Variants in TBC1D30 observed in about 807,000 individuals in gnomAD.
TBC1D30 encodes TBC1 domain family member 30, also known as TBC1 domain family, member 30.
Under a neutral mutation model 63.2 loss-of-function variants are expected in TBC1D30, and 31 were observed. The ratio of observed to expected loss-of-function variants is 0.49; its 90% CI spans 0.37 to 0.66. TBC1D30 has a LOEUF of 0.66. Among genes scored for constraint, TBC1D30 ranks in the 30% least tolerant of loss-of-function variants. The pLI is 0.00. For synonymous variants in TBC1D30, 307 were observed against 361.5 expected, an observed-to-expected ratio of 0.85 and a Z score of 1.71; for missense variants, 810 against 953.6, an observed-to-expected ratio of 0.85 and a Z score of 1.98.
intron 1 of TBC1D30, among the ~76,000 whole-genome samples, chr12:64,771,121 A>G (rs1383690998): frequency 6.6e-6 from 1 of 152,038 alleles, no homozygotes; most frequent in African/African-American, 2.4e-5. Flanking sequence ...CAACATATCC[A>G]TGAAGCCCAT....
chr12:64,781,035 G>C, exon 1 of TBC1D30: 1 of 1,025,596 alleles, frequency 9.8e-7, no homozygotes, highest in East Asian at 1.1e-4. Context: ...GGCCGCACAA[G>C]CCGCACGGCG....
chr12:64,834,683 A>ACAGG (rs1253556381), intron 5 of TBC1D30, among the ~76,000 whole-genome samples: 1 of 147,242 alleles, frequency 6.8e-6, no homozygotes, highest in African/African-American at 2.5e-5. Context: ...TGCTGGGATT[A>ACAGG]CAGGCATGAG....
Position 64,878,319 on chromosome 12 carries a change from A to C in TBC1D30, c.*2531A>C, listed in dbSNP as rs1879230792. Reference sequence around the variant, plus strand: ...CCTCTACCACACAGCATGTACAAAGACCAGTATGGACTTGCTATCTTCCCT... The same window carrying C: ...CCTCTACCACACAGCATGTACAAAGCCCAGTATGGACTTGCTATCTTCCCT... On this transcript the variant is annotated 3_prime_UTR_variant, in exon 12 of 12. Coordinates refer to ENST00000539867, the MANE Select transcript of TBC1D30 (RefSeq NM_015279.2). 6 of 391,542 alleles carry C rather than the reference A, an allele frequency of 1.5e-5. No homozygotes were observed. Among genetic ancestry groups the C allele is most frequent in the Admixed American group, 1.2e-4 (4 of 33,192 alleles). The allele number at this position is 391,542 out of a possible 1,614,324, so 24.3% of individuals were successfully genotyped here. A position where few individuals can be genotyped will look rare whatever the true frequency, so the allele number is the denominator to read the frequency against.
intron 2 of TBC1D30, among the ~76,000 whole-genome samples, chr12:64,796,272 T>A (rs1872264343): frequency 6.6e-6 from 1 of 151,982 alleles, no homozygotes; most frequent in Non-Finnish European, 1.5e-5. Flanking sequence ...TTTTAAAAAA[T>A]GATCTCCATT....
intron 2 of TBC1D30, chr12:64,787,470 T>G (rs1871661037): frequency 3.1e-6 from 2 of 635,658 alleles, no homozygotes; most frequent in Admixed American, 1.3e-4. Context: ...TTGTTGCTCT[T>G]TCACTCTGTC....
chr12:64,792,987 G>T (rs1234527379), intron 2 of TBC1D30, among the ~76,000 whole-genome samples: 2 of 152,072 alleles, frequency 1.3e-5, no homozygotes, highest in Admixed American at 1.3e-4. Flanking sequence ...CAGAAGTATT[G>T]TGCTTTGGCC....
intron 9 of TBC1D30, among the ~76,000 whole-genome samples, chr12:64,865,164 C>T (rs1480569104): frequency 2.0e-5 from 3 of 149,620 alleles, no homozygotes; most frequent in African/African-American, 7.4e-5. Flanking sequence ...CATATTGAAT[C>T]AATGGTGAAA....
chr12:64,870,538 A>C (rs1180068026), intron 10 of TBC1D30, 64 bp from the exon 11 acceptor site: 1 of 1,341,836 alleles, frequency 7.5e-7, no homozygotes, highest in East Asian at 2.5e-5. Context: ...TAGTGTTATC[A>C]ATTTCCATTT....
At chr12:64,793,848 C>T (rs561595727) in intron 2 of TBC1D30, among the ~76,000 whole-genome samples, 1 of 152,348 alleles carries the variant, frequency 6.6e-6, no homozygotes, top group South Asian at 2.1e-4. Context: ...CATCTGCATG[C>T]ACTGCCATCC....
chr12:64,864,516 G>A (rs575916692), intron 8 of TBC1D30, among the ~76,000 whole-genome samples, 152 bp from the exon 9 acceptor site: 10 of 152,284 alleles, frequency 6.6e-5, no homozygotes, highest in Admixed American at 1.3e-4. Context: ...TCTTGAAAGC[G>A]GATGTTGAAG....
At chr12:64,857,610 G>A (rs574827874) in intron 8 of TBC1D30, among the ~76,000 whole-genome samples, 17 of 152,272 alleles carry the variant, frequency 1.1e-4, no homozygotes, top group Admixed American at 3.9e-4. Flanking sequence ...GTCTCCCTAG[G>A]TCATGTGCCA....
Position 64,836,635 on chromosome 12 carries a change from G to T in TBC1D30, c.740G>T (p.Arg247Ile). The stretch of plus-strand genomic sequence containing the variant: ...TCTCAGCACCTGGATACTCTTCAGA[G>T]AACTGCAAACAAAGAAAGTGGAGGT... ...ELSQHLDTLQ[R>I]TANKESGGGY... Residue 247 changes from arginine (R) to isoleucine (I), a missense_variant, in exon 6 of 12, where the codon AGA (arginine) becomes ATA (isoleucine). By Grantham distance (97) the Arg-to-Ile change is moderately conservative. Coordinates refer to ENST00000539867, the MANE Select transcript of TBC1D30 (RefSeq NM_015279.2). 6.5e-7 allele frequency: 1 copy of T among 1,535,088 alleles called. No individual in the cohort carries two copies.
intron 2 of TBC1D30, among the ~76,000 whole-genome samples, chr12:64,790,795 C>G (rs756340232): frequency 2.6e-5 from 4 of 152,116 alleles, no homozygotes; most frequent in Non-Finnish European, 5.9e-5. Flanking sequence ...TTCATTAATA[C>G]CTTGTCCTCT....
chr12:64,865,075 G>A (rs1271618599), intron 9 of TBC1D30, among the ~76,000 whole-genome samples: 1 of 151,694 alleles, frequency 6.6e-6, no homozygotes, highest in East Asian at 1.9e-4. Flanking sequence ...CTGTATACAA[G>A]TACACAGATG....
intron 2 of TBC1D30, among the ~76,000 whole-genome samples, chr12:64,786,874 C>T (rs886433911): frequency 2.0e-5 from 3 of 151,352 alleles, no homozygotes; most frequent in African/African-American, 7.3e-5. Context: ...ACCTGGGAGG[C>T]AGAGGTTGCA....
intron 2 of TBC1D30, among the ~76,000 whole-genome samples, chr12:64,803,451 C>G (rs1470733840): frequency 6.6e-6 from 1 of 152,186 alleles, no homozygotes; most frequent in Non-Finnish European, 1.5e-5. Context: ...TGTAGATAGC[C>G]TGTTCACTCT....
intron 2 of TBC1D30, among the ~76,000 whole-genome samples, chr12:64,800,145 C>T (rs995393878): frequency 6.6e-6 from 1 of 152,034 alleles, no homozygotes; most frequent in Non-Finnish European, 1.5e-5. Context: ...TAGAAATGTG[C>T]CCTGTGGACA....
chr12:64,760,940 A>C (rs2136263275), intron 1 of TBC1D30, among the ~76,000 whole-genome samples: 1 of 152,026 alleles, frequency 6.6e-6, no homozygotes. Context: ...TAGCATGAAA[A>C]CCCAATCATC....
At chr12:64,799,785 T>G (rs1872497161) in intron 2 of TBC1D30, among the ~76,000 whole-genome samples, 1 of 152,136 alleles carries the variant, frequency 6.6e-6, no homozygotes, top group African/African-American at 2.4e-5. Flanking sequence ...TTCAAAGCAC[T>G]AGGGAACATG....
Sources: gnomAD v4.1 joint callset for allele counts (sites outside exome capture counted in the v4.1 genomes callset) on GRCh38, gnomAD v4.1.1 for gene constraint, MANE v1.5 for transcripts, NCBI Gene and HGNC (gene_info 2026-07-23, HGNC 2026-07-21) for gene names.